ENPEP: variants seen among roughly 807,000 people sequenced by gnomAD.
The protein encoded by ENPEP is AP-A.
A neutral mutation model predicts 114.5 loss-of-function variants in ENPEP; 103 were observed. That is an observed-to-expected ratio of 0.90 (90% CI 0.77 to 1.06). The LOEUF (loss-of-function observed/expected upper bound fraction) is 1.06. ENPEP is among the 50% of genes least tolerant of loss of function. The pLI is 0.00. For missense variants in ENPEP, 1,196 were observed against 1,161.3 expected, an observed-to-expected ratio of 1.03 and a Z score of -0.43; for synonymous variants, 420 against 422.0, an observed-to-expected ratio of 1.00 and a Z score of 0.06.
At chr4:110,511,567 T>C (rs1367227481) in intron 6 of ENPEP, among the ~76,000 whole-genome samples, 1 of 152,180 alleles carries the variant, frequency 6.6e-6, no homozygotes, top group East Asian at 1.9e-4. Context: ...TTTTCTCCCA[T>C]ACAGTATACT....
At position 110,548,262 on chromosome 4, in the gene ENPEP, T is replaced by G. The variant is rs968546198; in HGVS notation, c.2087T>G (p.Ile696Ser). The change falls in exon 14 of 20, where the codon ATT becomes AGT. Residue 696 changes from isoleucine to serine, a missense_variant. Coordinates refer to ENST00000265162, the MANE Select transcript of ENPEP (RefSeq NM_001977.4). ...AATTTTTTACCATGGCAGAGAGTAA[T>G]TTCAGCTGTAACCTACATCATTAGC... ...EENFLPWQRV[I>S]SAVTYIISMF... 5.6e-6 allele frequency: 9 copies of G among 1,605,668 alleles called. No homozygotes were observed. The Admixed American group carries it at 1.4e-4, about 24-fold the overall frequency.
At chr4:110,514,739 T>C (rs1044004682) in intron 7 of ENPEP, among the ~76,000 whole-genome samples, 2 of 152,042 alleles carry the variant, frequency 1.3e-5, no homozygotes, top group Non-Finnish European at 2.9e-5. Flanking sequence ...ACTTGAAAAT[T>C]GATTTAAAAT....
At chr4:110,514,853 T>C (rs1725701616) in intron 7 of ENPEP, among the ~76,000 whole-genome samples, 2 of 152,084 alleles carry the variant, frequency 1.3e-5, no homozygotes, top group South Asian at 4.1e-4. Context: ...GCAAATGAGA[T>C]AGACTACTGA....
At chr4:110,510,462 T>C in intron 6 of ENPEP, 104 bp downstream of exon 6, 1 of 956,522 alleles carries the variant, frequency 1.0e-6, no homozygotes, top group Non-Finnish European at 1.6e-6. Context: ...GCAAGTACAG[T>C]GGTGAGCGGG....
At chr4:110,534,884 C>A (rs1726555301) in intron 11 of ENPEP, among the ~76,000 whole-genome samples, 1 of 151,980 alleles carries the variant, frequency 6.6e-6, no homozygotes, top group African/African-American at 2.4e-5. Flanking sequence ...CTCCTGTCCA[C>A]CCTATTATCA....
chr4:110,506,846 G>A, intron 4 of ENPEP, 89 bp downstream of exon 4: 1 of 1,139,878 alleles, frequency 8.8e-7, no homozygotes. Flanking sequence ...GTCACCATCA[G>A]TTAACAGTTA....
intron 2 of ENPEP, among the ~76,000 whole-genome samples, chr4:110,489,596 AAG>A (rs1042754787): frequency 6.6e-6 from 1 of 152,070 alleles, no homozygotes; most frequent in Non-Finnish European, 1.5e-5. Flanking sequence ...AAAAAGAAAA[AAG>A]AGAAAAAATT....
chr4:110,519,617 T>TCCACCA (rs139912675), intron 8 of ENPEP: 11 of 177,584 alleles, frequency 6.2e-5, no homozygotes, highest in South Asian at 2.6e-4. Flanking sequence ...CCCCAATTCA[T>TCCACCA]CCACCACCAC....
intron 18 of ENPEP, among the ~76,000 whole-genome samples, chr4:110,555,372 A>G (rs1169044810): frequency 1.3e-5 from 2 of 152,028 alleles, no homozygotes; most frequent in Non-Finnish European, 2.9e-5. Flanking sequence ...ACACTTGAAC[A>G]TTTTCCAAAT....
chr4:110,527,637 G>A (rs986459265), intron 10 of ENPEP, among the ~76,000 whole-genome samples: 4 of 152,150 alleles, frequency 2.6e-5, no homozygotes, highest in African/African-American at 9.7e-5. Context: ...AATAATCTCT[G>A]TGGTAGTTCT....
intron 10 of ENPEP, among the ~76,000 whole-genome samples, chr4:110,525,621 G>T (rs1253919637): frequency 6.6e-6 from 1 of 151,796 alleles, no homozygotes; most frequent in Non-Finnish European, 1.5e-5. Context: ...CAATTATCTT[G>T]TAGCAATTAG....
chr4:110,533,905 G>T (rs1490539470), intron 11 of ENPEP, among the ~76,000 whole-genome samples: 1 of 152,148 alleles, frequency 6.6e-6, no homozygotes, highest in Non-Finnish European at 1.5e-5. Flanking sequence ...ACAAATAAAT[G>T]AAGAGGCTGA....
At chr4:110,506,810 T>A (rs6811881) in intron 4 of ENPEP, 53 bp downstream of exon 4, 1 of 1,329,364 alleles carries the variant, frequency 7.5e-7, no homozygotes, top group African/African-American at 1.5e-5. Flanking sequence ...TGTTTTTATC[T>A]AAGTTAACTC....
rs1474544177 is a variant in ENPEP at position 110,495,669 on chromosome 4, C to T, written c.918+4505C>T. On this transcript the variant is annotated intron_variant, in intron 3 of 19. Coordinates refer to ENST00000265162, the MANE Select transcript of ENPEP (RefSeq NM_001977.4). The stretch of plus-strand genomic sequence containing the variant: ...CCAGGAGGCAGAGGTTGCGGTGAGC[C>T]GAGATGGTGCCACTGCACTCCAGCC... Among the ~76,000 whole-genome samples, 6 of 152,150 alleles carry T rather than the reference C, an allele frequency of 3.9e-5. No homozygotes were observed. The East Asian group carries it at 7.7e-4, about 20-fold the overall frequency.
At chr4:110,549,446 A>AT in intron 15 of ENPEP, 27 bp downstream of exon 15, 1 of 1,612,712 alleles carries the variant, frequency 6.2e-7, no homozygotes, top group South Asian at 1.1e-5. Flanking sequence ...AACAACTAAA[A>AT]TTCATTTAAC....
chr4:110,565,098 C>T lies in ENPEP; in HGVS notation c.*3540C>T, dbSNP rs759348591. On this transcript the variant is annotated 3_prime_UTR_variant, in exon 20 of 20. Transcript: ENST00000265162. The stretch of plus-strand genomic sequence containing the variant: ...AATTTATTTCTTGTTCTTTCTCCTC[C>T]TCCTTCCTCTACTTCAGGGTTTAGC... 5 of 152,194 alleles carry T rather than the reference C, an allele frequency of 3.3e-5. No homozygotes were observed. The highest frequency in any genetic ancestry group is 5.9e-5 in the Non-Finnish European group (4 of 68,044). 9.4% of individuals were successfully genotyped at this position (152,194 alleles called of 1,614,324 possible).
At chr4:110,545,303 A>G (rs1727013486) in intron 13 of ENPEP, among the ~76,000 whole-genome samples, 1 of 152,018 alleles carries the variant, frequency 6.6e-6, no homozygotes, top group Non-Finnish European at 1.5e-5. Context: ...AAGAGGTAGT[A>G]CTCCTACTGC....
intron 13 of ENPEP, among the ~76,000 whole-genome samples, chr4:110,545,132 G>A (rs1041116440): frequency 3.3e-5 from 5 of 152,072 alleles, no homozygotes; most frequent in Admixed American, 2.6e-4. Context: ...GAAGAAATGC[G>A]TAGTTAAATA....
intron 11 of ENPEP, among the ~76,000 whole-genome samples, chr4:110,533,717 C>T (rs1405252497): frequency 2.0e-5 from 3 of 152,188 alleles, no homozygotes; most frequent in Non-Finnish European, 4.4e-5. Flanking sequence ...GGAGTTCTCA[C>T]ACTCCTTCGT....
Sources: gnomAD v4.1 joint callset for allele counts (sites outside exome capture counted in the v4.1 genomes callset) on GRCh38, gnomAD v4.1.1 for gene constraint, MANE v1.5 for transcripts, NCBI Gene and HGNC (gene_info 2026-07-23, HGNC 2026-07-21) for gene names.